Variants in CYTH1 observed in about 807,000 individuals in gnomAD.
CYTH1 encodes the protein cytohesin-1.
In CYTH1, 18 loss-of-function variants were observed where a neutral mutation model predicts 61.8. The ratio of observed to expected loss-of-function variants is 0.29; its 90% CI spans 0.20 to 0.43. CYTH1 has a LOEUF of 0.43. CYTH1 is among the 20% of genes least tolerant of loss of function. The pLI, the probability that CYTH1 is intolerant of heterozygous loss-of-function variation, is 1.00. For synonymous variants in CYTH1, 174 were observed against 184.3 expected (o/e 0.94, Z 0.45); for missense variants, 336 against 510.5 (o/e 0.66, Z 3.29).
intron 3 of CYTH1, among the ~76,000 whole-genome samples, chr17:78,704,161 A>G (rs2093041955): frequency 6.6e-6 from 1 of 152,156 alleles, no homozygotes; most frequent in Admixed American, 6.5e-5. Flanking sequence ...TGGGGCCTCA[A>G]CAAAACAGAT....
intron 1 of CYTH1, among the ~76,000 whole-genome samples, chr17:78,739,105 T>G (rs2144629919): frequency 6.6e-6 from 1 of 152,388 alleles, no homozygotes; most frequent in African/African-American, 2.4e-5. Context: ...CATGAATTGC[T>G]TTTTCAAAGC....
Position 78,702,559 on chromosome 17 carries a change from T to A in CYTH1, c.216A>T (p.Lys72Asn). ...RNKQVAMGRK[K>N]FNMDPKKGIQ... is the part of the protein sequence containing the mutation. ...TTACCTTTTTAGGGTCCATATTAAA[T>A]TTTTTCCTGCCCATGGCTACCTGTT... The change falls in exon 4 of 14, where the codon AAA becomes AAT. Residue 72 changes from lysine (K) to asparagine (N), a missense_variant. Transcript: ENST00000446868. The A allele has an allele frequency of 6.2e-7, 1 of 1,614,126 alleles. No homozygotes were observed. Among genetic ancestry groups the A allele is most frequent in the East Asian group, 2.2e-5 (1 of 44,880 alleles).
chr17:78,779,293 A>G (rs888946923), intron 1 of CYTH1, among the ~76,000 whole-genome samples: 2 of 150,754 alleles, frequency 1.3e-5, no homozygotes, highest in Admixed American at 1.3e-4. Flanking sequence ...CCAGCTACTC[A>G]GGAGGCTGAG....
In CYTH1 at chr17:78,683,758, AGGTGAG is replaced by A. The variant is rs530965793; in HGVS notation, c.892-2722_892-2717del. The stretch of plus-strand genomic sequence containing the variant: ...GTGGGGACAGGCCCTCAGGGGCATG[AGGTGAG>A]GGCAACAGCTGGTCTGTTTCCTAAA... On this transcript the variant is annotated intron_variant, in intron 11 of 13. Coordinates refer to ENST00000446868, the MANE Select transcript of CYTH1 (RefSeq NM_004762.6). 2.8e-3 allele frequency among the ~76,000 whole-genome samples: 427 copies of A among 152,286 alleles called. 1 individual carries two copies. The highest frequency in any genetic ancestry group is 9.8e-3 in the African/African-American group (407 of 41,572).
At chr17:78,713,526 A>G in intron 1 of CYTH1, among the ~76,000 whole-genome samples, 1 of 152,220 alleles carries the variant, frequency 6.6e-6, no homozygotes, top group Non-Finnish European at 1.5e-5. Flanking sequence ...TGAAAAACAG[A>G]GCAATCGTAT....
chr17:78,702,495 AC>A, intron 4 of CYTH1, 42 bp downstream of exon 4: 3 of 1,597,258 alleles, frequency 1.9e-6, no homozygotes, highest in Non-Finnish European at 2.6e-6. Flanking sequence ...CTATAAAAAA[AC>A]CCCATCTAAT....
intron 1 of CYTH1, among the ~76,000 whole-genome samples, chr17:78,713,567 T>C (rs2093155568): frequency 6.6e-6 from 1 of 151,754 alleles, no homozygotes; most frequent in South Asian, 2.1e-4. Context: ...GACTGCTATA[T>C]ACCCTGAGAA....
At chr17:78,763,103 G>C (rs2093435052) in intron 1 of CYTH1, among the ~76,000 whole-genome samples, 1 of 152,044 alleles carries the variant, frequency 6.6e-6, no homozygotes, top group Non-Finnish European at 1.5e-5. Context: ...CAGCACTTTG[G>C]GAGGAAGAGG....
chr17:78,760,836 T>C (rs1410891261), intron 1 of CYTH1, among the ~76,000 whole-genome samples: 3 of 152,046 alleles, frequency 2.0e-5, no homozygotes, highest in South Asian at 2.1e-4. Context: ...CAACTTACAA[T>C]GGGGTTACTT....
chr17:78,730,517 C>T lies in CYTH1; in HGVS notation c.23-20785G>A, dbSNP rs1468652991. Among the ~76,000 whole-genome samples the T allele has an allele frequency of 5.4e-5, 8 of 148,922 alleles. No individual in the cohort carries two copies. The East Asian group carries it at 6.0e-4, about 11-fold the overall frequency. On this transcript the variant is annotated intron_variant, in intron 1 of 13. Transcript: ENST00000446868. ...TCACGCCACTGCACTCCAGCCTGGG[C>T]GACAGCGAGACTCCGTCTCAAAAAA...
chr17:78,754,906 C>T (rs35441254), intron 1 of CYTH1, among the ~76,000 whole-genome samples: 2,963 of 152,076 alleles, frequency 0.019, 80 homozygotes, highest in South Asian at 0.12. Context: ...TATAATAAAA[C>T]ATTTTTAAGG....
intron 10 of CYTH1, 145 bp from the exon 11 acceptor site, chr17:78,692,638 A>C: frequency 1.5e-6 from 1 of 675,398 alleles, no homozygotes; most frequent in Non-Finnish European, 2.6e-6. Flanking sequence ...GACATCAGTA[A>C]CAAGACACAG....
chr17:78,710,452 T>A (rs1330561534), intron 1 of CYTH1, among the ~76,000 whole-genome samples: 1 of 152,134 alleles, frequency 6.6e-6, no homozygotes, highest in Non-Finnish European at 1.5e-5. Context: ...CTCCAATGGC[T>A]CAATCTCCCC....
chr17:78,707,788 C>G lies in CYTH1; in HGVS notation c.170+409G>C, dbSNP rs372980779. Among the ~76,000 whole-genome samples the G allele has an allele frequency of 1.4e-4, 21 of 151,788 alleles. No individual in the cohort carries two copies. In the East Asian group the frequency reaches 1.6e-3, roughly 11 times the overall value. ...CTCCACCTCCCGGGTTCAAGCAATT[C>G]TCCTGCCTCAGCCTCCCGAGTAGCT... On this transcript the variant is annotated intron_variant, in intron 3 of 13. Coordinates refer to ENST00000446868, the MANE Select transcript of CYTH1 (RefSeq NM_004762.6).
chr17:78,736,409 T>C (rs192513902), intron 1 of CYTH1, among the ~76,000 whole-genome samples: 19 of 151,784 alleles, frequency 1.3e-4, no homozygotes, highest in African/African-American at 4.1e-4. Context: ...CTTCTCGCTC[T>C]TTCTCTCTCT....
intron 11 of CYTH1, among the ~76,000 whole-genome samples, chr17:78,688,560 A>G (rs2092841540): frequency 6.6e-6 from 1 of 152,248 alleles, no homozygotes; most frequent in Admixed American, 6.5e-5. Context: ...AAATGTCCTT[A>G]GCAGCAGGCA....
chr17:78,739,365 C>T (rs376979071), intron 1 of CYTH1, among the ~76,000 whole-genome samples: 3 of 152,244 alleles, frequency 2.0e-5, no homozygotes, highest in East Asian at 1.9e-4. Flanking sequence ...TCCACTCTAA[C>T]GAGATGGGAA....
At chr17:78,687,302 GAAA>G (rs748624537) in intron 11 of CYTH1, among the ~76,000 whole-genome samples, 1 of 152,054 alleles carries the variant, frequency 6.6e-6, no homozygotes, top group Non-Finnish European at 1.5e-5. Context: ...TGTCACTGCA[GAAA>G]ACACTGCTTC....
chr17:78,727,255 C>T (rs1046550127), intron 1 of CYTH1, among the ~76,000 whole-genome samples: 29 of 152,166 alleles, frequency 1.9e-4, no homozygotes, highest in African/African-American at 6.0e-4. Context: ...AGCTTTTAGG[C>T]GAGTCAGCAT....
Sources: gnomAD v4.1 joint callset for allele counts (sites outside exome capture counted in the v4.1 genomes callset) on GRCh38, gnomAD v4.1.1 for gene constraint, MANE v1.5 for transcripts, NCBI Gene and HGNC (gene_info 2026-07-23, HGNC 2026-07-21) for gene names.